Variants in EME2 observed in about 807,000 individuals in gnomAD.
EME2 encodes the protein structure-specific endonuclease subunit EME2.
Under a neutral mutation model 41.9 loss-of-function variants are expected in EME2, and 58 were observed. The observed-to-expected ratio is 1.38, with a 90% CI of 1.12 to 1.72. The LOEUF is 1.72. Ranked by LOEUF, EME2 falls within the 40% of genes most tolerant of loss-of-function variation. The pLI is 0.00. For synonymous variants in EME2, 334 were observed against 239.3 expected, an observed-to-expected ratio of 1.40 and a Z score of -3.65; for missense variants, 695 against 541.9, an observed-to-expected ratio of 1.28 and a Z score of -2.81.
At position 1,779,289 on chromosome 16, in the gene EME2, T is replaced by G. The variant is rs2042759539; in HGVS notation, c.*3051T>G. 1 of 152,312 alleles carries G rather than the reference T, an allele frequency of 6.6e-6. No homozygotes were observed. The highest frequency in any genetic ancestry group is 1.5e-5 in the Non-Finnish European group (1 of 68,150). The allele number at this position is 152,312 out of a possible 1,614,324, so 9.4% of individuals were successfully genotyped here. A position where few individuals can be genotyped will look rare whatever the true frequency, so the allele number is the denominator to read the frequency against. On this transcript the variant is annotated 3_prime_UTR_variant, in exon 8 of 8. Coordinates refer to ENST00000568449, the MANE Select transcript of EME2 (RefSeq NM_001257370.2). ...GTGGGAGGCAGTGCCCCTCCCAGCC[T>G]CCTCCCTGTCACAGACTGTGTGGGG...
At chr16:1,774,395 T>C (rs891428354) in intron 3 of EME2, 43 bp downstream of exon 3, 1 of 1,533,176 alleles carries the variant, frequency 6.5e-7, no homozygotes, top group South Asian at 1.1e-5. Context: ...TCAGGAGGGG[T>C]GGGTTCCCAG....
At position 1,776,385 on chromosome 16, in the gene EME2, T is replaced by G; in HGVS notation, c.*147T>G. 3.4e-5 allele frequency: 23 copies of G among 674,360 alleles called. No individual in the cohort carries two copies. The highest frequency in any genetic ancestry group is 3.4e-5 in the Non-Finnish European group (14 of 407,380). The allele number at this position is 674,360 out of a possible 1,614,324, so 41.8% of individuals were successfully genotyped here. A position where few individuals can be genotyped will look rare whatever the true frequency, so the allele number is the denominator to read the frequency against. On this transcript the variant is annotated 3_prime_UTR_variant, in exon 8 of 8. Coordinates refer to ENST00000568449, the MANE Select transcript of EME2 (RefSeq NM_001257370.2). ...GGTCTGACCTCAGGGGAAGGGTGGG[T>G]GGTTGCAGGGGAAGTTTTAGGTAGC...
rs1896651519 is a variant in EME2, at chr16:1,779,712, G to A, written c.*3474G>A. 1 of 152,452 alleles carries A rather than the reference G, an allele frequency of 6.6e-6. No homozygotes were observed. The allele number at this position is 152,452 out of a possible 1,614,324, so 9.4% of individuals were successfully genotyped here. A position where few individuals can be genotyped will look rare whatever the true frequency, so the allele number is the denominator to read the frequency against. ...GGTTCCCTGGAGAAGGAGAAAGACT[G>A]AAGCCACTGCCTACCTCCTGCCCAC... On this transcript the variant is annotated 3_prime_UTR_variant, in exon 8 of 8. Coordinates refer to ENST00000568449, the MANE Select transcript of EME2 (RefSeq NM_001257370.2).
At chr16:1,774,912 A>C in intron 3 of EME2, 129 bp from the exon 4 acceptor site, 1 of 759,314 alleles carries the variant, frequency 1.3e-6, no homozygotes, top group Non-Finnish European at 2.2e-6. Flanking sequence ...GTAACGGAAC[A>C]GAGGCTCCTC....
In EME2 at chr16:1,777,105, G is replaced by A. The variant is rs762818077; in HGVS notation, c.*867G>A. On this transcript the variant is annotated 3_prime_UTR_variant, in exon 8 of 8. Transcript: ENST00000568449. ...TTCCACTGGGAAGTCAGTCAGGTCC[G>A]GCGGCAGCGCTTCCTCTGGCAGGGC... 33 of 1,610,816 alleles carry A rather than the reference G, an allele frequency of 2.0e-5. No individual in the cohort carries two copies. Among genetic ancestry groups the A allele is most frequent in the Middle Eastern group, 3.3e-4 (2 of 6,074 alleles).
rs1054402403 is a variant in EME2, at chr16:1,781,690, C to G, written c.*5452C>G. 2.2e-5 allele frequency: 13 copies of G among 594,586 alleles called. No homozygotes were observed. The highest frequency in any genetic ancestry group is 3.8e-5 in the Non-Finnish European group (13 of 337,700). The allele number at this position is 594,586 out of a possible 1,614,324, so 36.8% of individuals were successfully genotyped here. On this transcript the variant is annotated 3_prime_UTR_variant, in exon 8 of 8. Transcript: ENST00000568449. Reference sequence around the variant, plus strand: ...CAGCTCAATAAAACCCAGGTAGATCCTGTGAAACGCCACCCAGACACCCAT... The same window carrying G: ...CAGCTCAATAAAACCCAGGTAGATCGTGTGAAACGCCACCCAGACACCCAT...
rs2042671019 is a variant in EME2, at chr16:1,773,948, C to T, written c.384+107C>T. 2.2e-6 allele frequency: 3 copies of T among 1,366,802 alleles called. No individual in the cohort carries two copies. The South Asian group carries it at 4.5e-5, about 20-fold the overall frequency. 84.7% of individuals were successfully genotyped at this position (1,366,802 alleles called of 1,614,324 possible). On this transcript the variant is annotated intron_variant, in intron 2 of 7. Transcript: ENST00000568449. ...GGCAGCTGCCCTGGGCCGTGCGCGT[C>T]TCGCGGATGGGTAAAGCAAGGATGG... is the stretch of plus-strand genomic sequence containing the variant.
In EME2 at chr16:1,774,307, G is replaced by T; in HGVS notation, c.432G>T (p.Leu144=). 4 of 1,612,800 alleles carry T rather than the reference G, an allele frequency of 2.5e-6. No individual in the cohort carries two copies. The highest frequency in any genetic ancestry group is 2.5e-6 in the Non-Finnish European group (3 of 1,179,940). Residue 144 remains leucine (L), a synonymous_variant, in exon 3 of 8, where the codon CTG becomes CTT. Coordinates refer to ENST00000568449, the MANE Select transcript of EME2 (RefSeq NM_001257370.2). ...CAGGTGAACAGGAATTGCTGCTGCT[G>T]CTGGAGCCCGAGGAGTTTCTGCAGG... ...WAAGEQELLL[L]LEPEEFLQGV...
Position 1,775,047 on chromosome 16 carries a change from G to A in EME2, c.484G>A (p.Gly162Ser). ...QGVATLTQIS[G>S]PTHWVPWISP... ...CACACGTTCTCATCTTCAGATCTCT[G>A]GCCCAACCCACTGGGTGCCCTGGAT... Residue 162 changes from glycine to serine, a missense_variant, in exon 4 of 8, where the codon GGC (glycine) becomes AGC (serine). Coordinates refer to ENST00000568449, the MANE Select transcript of EME2 (RefSeq NM_001257370.2). The A allele has an allele frequency of 1.2e-6, 2 of 1,609,124 alleles. No homozygotes were observed. Among genetic ancestry groups the A allele is most frequent in the Non-Finnish European group, 1.7e-6 (2 of 1,179,690 alleles).
chr16:1,775,453 A>T (rs1241186427), intron 5 of EME2, 45 bp downstream of exon 5: 44 of 1,603,864 alleles, frequency 2.7e-5, no homozygotes, highest in Non-Finnish European at 3.6e-5. Context: ...CCTGGGTCCC[A>T]GTGATTGGGC....
rs769059622 is a variant in EME2, at chr16:1,775,746, C to T, written c.780-51C>T. On this transcript the variant is annotated intron_variant, in intron 6 of 7. Coordinates refer to ENST00000568449, the MANE Select transcript of EME2 (RefSeq NM_001257370.2). ...CTCAAGGTAGTGGTGCCTCCCCGGC[C>T]TTTTGGGAGCTGCTCACATGAGGTT... 8.7e-6 allele frequency: 14 copies of T among 1,612,364 alleles called. No homozygotes were observed. In the East Asian group the frequency reaches 2.0e-4, roughly 23 times the overall value.
chr16:1,772,939 C>G lies in EME2; in HGVS notation c.-289C>G. On this transcript the variant is annotated 5_prime_UTR_variant, in exon 1 of 8. Transcript: ENST00000568449. Reference sequence around the variant, plus strand: ...CCGAGCAGCTGCAAGAGGCGGCTCTCGCGGCGCACGTCGGCCCAGGCCCGG... The same window carrying G: ...CCGAGCAGCTGCAAGAGGCGGCTCTGGCGGCGCACGTCGGCCCAGGCCCGG... 1 of 1,445,776 alleles carries G rather than the reference C, an allele frequency of 6.9e-7. No homozygotes were observed. The highest frequency in any genetic ancestry group is 9.1e-7 in the Non-Finnish European group (1 of 1,104,924). 89.6% of individuals were successfully genotyped at this position (1,445,776 alleles called of 1,614,324 possible).
rs762315285 is a variant in EME2, at chr16:1,777,334, G to A, written c.*1096G>A. 1.9e-6 allele frequency: 3 copies of A among 1,608,626 alleles called. No homozygotes were observed. The highest frequency in any genetic ancestry group is 2.5e-6 in the Non-Finnish European group (3 of 1,179,284). On this transcript the variant is annotated 3_prime_UTR_variant, in exon 8 of 8. Transcript: ENST00000568449. ...GCAGGCGGTGGCAGCACAGGTACTG[G>A]AGGGAAGTGGCGCTGGCACAGGAGC... is the stretch of plus-strand genomic sequence containing the variant.
Position 1,781,289 on chromosome 16 carries a change from T to G in EME2, c.*5051T>G. On this transcript the variant is annotated 3_prime_UTR_variant, in exon 8 of 8. Transcript: ENST00000568449. ...CGACTGATTCCGTGTTCAGGTAATG[T>G]CTGCCTGCCTGCCTAGGGCATCTCC... 1 of 1,612,234 alleles carries G rather than the reference T, an allele frequency of 6.2e-7. No individual in the cohort carries two copies. The highest frequency in any genetic ancestry group is 1.1e-5 in the South Asian group (1 of 91,078).
chr16:1,778,243 T>C lies in EME2; in HGVS notation c.*2005T>C, dbSNP rs1276355363. 1 of 1,612,978 alleles carries C rather than the reference T, an allele frequency of 6.2e-7. No individual in the cohort carries two copies. The highest frequency in any genetic ancestry group is 2.2e-5 in the East Asian group (1 of 44,886). On this transcript the variant is annotated 3_prime_UTR_variant, in exon 8 of 8. Coordinates refer to ENST00000568449, the MANE Select transcript of EME2 (RefSeq NM_001257370.2). ...CGCTGTGCCGCAGCTGTACTCCATG[T>C]GGAAGCTGACCTTACGGTTGTCACA...
chr16:1,774,383 A>T, intron 3 of EME2, 31 bp downstream of exon 3: 3 of 1,584,640 alleles, frequency 1.9e-6, no homozygotes, highest in South Asian at 1.1e-5. Flanking sequence ...GTCCCTCTCT[A>T]ATCAGGAGGG....
Position 1,781,589 on chromosome 16 carries a change from A to G in EME2, c.*5351A>G. The G allele has an allele frequency of 7.2e-7, 1 of 1,389,854 alleles. No homozygotes were observed. The highest frequency in any genetic ancestry group is 9.8e-7 in the Non-Finnish European group (1 of 1,022,326). 86.1% of individuals were successfully genotyped at this position (1,389,854 alleles called of 1,614,324 possible). A position where few individuals can be genotyped will look rare whatever the true frequency, so the allele number is the denominator to read the frequency against. On this transcript the variant is annotated 3_prime_UTR_variant, in exon 8 of 8. Coordinates refer to ENST00000568449, the MANE Select transcript of EME2 (RefSeq NM_001257370.2). ...GGCCACGGACCCACTCAAAGTGGGG[A>G]CTGCAGGGGCCGCACCGGTGCCCAG...
rs11552431 is a variant in EME2, at chr16:1,773,023, G to C, written c.-205G>C. The C allele has an allele frequency of 4.1e-6, 6 of 1,445,830 alleles. No homozygotes were observed. Among genetic ancestry groups the C allele is most frequent in the Non-Finnish European group, 5.5e-6 (6 of 1,100,694 alleles). 89.6% of individuals were successfully genotyped at this position (1,445,830 alleles called of 1,614,324 possible). On this transcript the variant is annotated 5_prime_UTR_variant, in exon 1 of 8. Coordinates refer to ENST00000568449, the MANE Select transcript of EME2 (RefSeq NM_001257370.2). The stretch of plus-strand genomic sequence containing the variant: ...AAGGTCTCGTAGTCCACCGCGTAGA[G>C]CTGGGAGTCGCGCGGCCTGTTCAGT...
chr16:1,773,851 C>G lies in EME2; in HGVS notation c.384+10C>G. ...CCCCTGCCCCCGCAGCGTGAGTGGTCGCGGGTTCCCGAGGGCCAGCCGCGA... is the reference window on the plus strand; with the variant it reads ...CCCCTGCCCCCGCAGCGTGAGTGGTGGCGGGTTCCCGAGGGCCAGCCGCGA... On this transcript the variant is annotated intron_variant, in intron 2 of 7. Transcript: ENST00000568449. The G allele has an allele frequency of 6.5e-7, 1 of 1,532,274 alleles. No homozygotes were observed. The highest frequency in any genetic ancestry group is 8.7e-7 in the Non-Finnish European group (1 of 1,144,868). 94.9% of individuals were successfully genotyped at this position (1,532,274 alleles called of 1,614,324 possible).
Sources: gnomAD v4.1 joint callset for allele counts on GRCh38, gnomAD v4.1.1 for gene constraint, MANE v1.5 for transcripts, NCBI Gene and HGNC (gene_info 2026-07-23, HGNC 2026-07-21) for gene names.